The following LPP variants were observed in gnomAD, a reference collection of about 807,000 sequenced individuals.
The protein encoded by LPP is lipoma-preferred partner.
LPP carries 38 observed loss-of-function variants against 60.4 expected under a neutral mutation model. The ratio of observed to expected loss-of-function variants is 0.63; its 90% CI spans 0.49 to 0.83. LPP has a LOEUF of 0.83. LPP is among the 40% of genes least tolerant of loss of function. LPP has a pLI of 0.00. For missense variants in LPP, 902 were observed against 783.6 expected, an observed-to-expected ratio of 1.15 and a Z score of -1.80; for synonymous variants, 328 against 290.8, an observed-to-expected ratio of 1.13 and a Z score of -1.30.
At chr3:188,779,780 T>A (rs1167219925) in intron 9 of LPP, among the ~76,000 whole-genome samples, 1 of 152,112 alleles carries the variant, frequency 6.6e-6, no homozygotes, top group Non-Finnish European at 1.5e-5. Context: ...TACAACATGT[T>A]TTCATTGGTC....
chr3:188,332,081 C>G (rs1020514248), intron 2 of LPP, among the ~76,000 whole-genome samples: 2 of 151,988 alleles, frequency 1.3e-5, no homozygotes, highest in Admixed American at 1.3e-4. Context: ...TTCCTTCTCT[C>G]TTTTCTTCTC....
chr3:188,498,634 A>ACC (rs2149837399), intron 5 of LPP, among the ~76,000 whole-genome samples: 1 of 152,016 alleles, frequency 6.6e-6, no homozygotes, highest in African/African-American at 2.4e-5. Context: ...TGTAGAAATC[A>ACC]CTCTTTTGGA....
chr3:188,601,565 T>C (rs1373335338), intron 6 of LPP, among the ~76,000 whole-genome samples: 1 of 152,134 alleles, frequency 6.6e-6, no homozygotes, highest in Non-Finnish European at 1.5e-5. Flanking sequence ...CAAGTGGGAT[T>C]TCCTGTTCGG....
chr3:188,858,397 C>T (rs1450478475), intron 9 of LPP, among the ~76,000 whole-genome samples: 1 of 152,114 alleles, frequency 6.6e-6, no homozygotes, highest in Admixed American at 6.5e-5. Context: ...TTTTGGAAGA[C>T]CTAGCATGTC....
At chr3:188,537,979 C>T (rs374817781) in intron 6 of LPP, among the ~76,000 whole-genome samples, 3 of 152,052 alleles carry the variant, frequency 2.0e-5, no homozygotes, top group African/African-American at 7.2e-5. Context: ...GGTGTTGTGA[C>T]GTTCAAACAG....
chr3:188,342,846 G>A (rs1261400484), intron 3 of LPP, among the ~76,000 whole-genome samples: 1 of 151,788 alleles, frequency 6.6e-6, no homozygotes, highest in African/African-American at 2.4e-5. Flanking sequence ...GGTTATGTAT[G>A]GACTATGAAA....
intron 7 of LPP, among the ~76,000 whole-genome samples, chr3:188,705,762 G>A (rs540630528): frequency 3.3e-5 from 5 of 152,036 alleles, no homozygotes; most frequent in South Asian, 2.1e-4. Flanking sequence ...GATTACAGGC[G>A]TGCATTATCA....
chr3:188,751,152 A>C (rs1170273621), intron 8 of LPP, among the ~76,000 whole-genome samples: 2 of 152,174 alleles, frequency 1.3e-5, no homozygotes, highest in African/African-American at 2.4e-5. Context: ...CAGTAGCTTT[A>C]GAAAAACCCC....
Position 188,162,277 on chromosome 3 carries a change from A to G in LPP, c.-190+8025A>G, listed in dbSNP as rs376189687. ...CTTGCAGATATTGGTCGGGAGTTCAAGGGTCATAAAACTTTCCTAACTGGG... is the reference window on the plus strand; with the variant it reads ...CTTGCAGATATTGGTCGGGAGTTCAGGGGTCATAAAACTTTCCTAACTGGG... On this transcript the variant is annotated intron_variant, in intron 1 of 11. Transcript: ENST00000617246. Among the ~76,000 whole-genome samples, 6 of 152,224 alleles carry G rather than the reference A, an allele frequency of 3.9e-5. No individual in the cohort carries two copies. The East Asian group carries it at 7.7e-4, about 20-fold the overall frequency.
At chr3:188,178,279 C>G (rs150049421) in intron 1 of LPP, among the ~76,000 whole-genome samples, 2 of 152,170 alleles carry the variant, frequency 1.3e-5, no homozygotes, top group African/African-American at 4.8e-5. Context: ...TTTCCCAGCC[C>G]CCTCCTCATG....
At chr3:188,762,127 G>C (rs745746313) in intron 9 of LPP, among the ~76,000 whole-genome samples, 27 of 152,262 alleles carry the variant, frequency 1.8e-4, no homozygotes, top group Non-Finnish European at 3.5e-4. Flanking sequence ...TTCAACCCTT[G>C]TTAGCTTGAA....
Position 188,484,629 on chromosome 3 carries a change from T to C in LPP, c.231T>C (p.Asp77=). Residue 77 remains aspartate, a synonymous_variant, in exon 5 of 12, where the codon GAT becomes GAC. Coordinates refer to ENST00000617246, the MANE Select transcript of LPP (RefSeq NM_001375462.1). ...FLPPPPPPLD[D]SSALPSISGN... The stretch of plus-strand genomic sequence containing the variant: ...CACCCCCACCTCCACCTCTAGATGA[T>C]TCCAGTGCCCTTCCATCTATCTCTG... 1.2e-6 allele frequency: 2 copies of C among 1,614,088 alleles called. No homozygotes were observed. The highest frequency in any genetic ancestry group is 1.7e-6 in the Non-Finnish European group (2 of 1,179,964).
At chr3:188,244,006 G>A (rs1001594476) in intron 2 of LPP, among the ~76,000 whole-genome samples, 1 of 152,110 alleles carries the variant, frequency 6.6e-6, no homozygotes, top group Non-Finnish European at 1.5e-5. Flanking sequence ...CTCCTGAGTA[G>A]CTTACAGGTG....
chr3:188,563,258 T>C (rs181088118), intron 6 of LPP, among the ~76,000 whole-genome samples: 1 of 152,062 alleles, frequency 6.6e-6, no homozygotes, highest in East Asian at 1.9e-4. Context: ...ATATATATGC[T>C]GGCAATATAC....
intron 4 of LPP, among the ~76,000 whole-genome samples, chr3:188,467,080 T>C (rs1238184164): frequency 2.6e-5 from 4 of 151,514 alleles, no homozygotes; most frequent in Non-Finnish European, 5.9e-5. Flanking sequence ...TTTTGAGGGA[T>C]AGTTTCCTTA....
intron 3 of LPP, among the ~76,000 whole-genome samples, chr3:188,368,390 T>C (rs1771848614): frequency 2.0e-5 from 3 of 152,082 alleles, no homozygotes; most frequent in African/African-American, 7.2e-5. Flanking sequence ...CATGGCTTTT[T>C]TTTTTTCCCC....
At chr3:188,556,047 G>A (rs1194268223) in intron 6 of LPP, among the ~76,000 whole-genome samples, 4 of 152,116 alleles carry the variant, frequency 2.6e-5, no homozygotes, top group African/African-American at 9.7e-5. Context: ...TCAAGAGTGA[G>A]TGTGTGATCA....
chr3:188,632,786 T>C (rs1183685625), intron 7 of LPP, among the ~76,000 whole-genome samples: 1 of 152,196 alleles, frequency 6.6e-6, no homozygotes, highest in African/African-American at 2.4e-5. Flanking sequence ...ATTTGGTAGT[T>C]CTTCTGTAGC....
intron 2 of LPP, among the ~76,000 whole-genome samples, chr3:188,326,899 C>T (rs1383624722): frequency 6.6e-6 from 1 of 151,912 alleles, no homozygotes; most frequent in Admixed American, 6.6e-5. Context: ...TCTTATTTTT[C>T]CTCAATCTCA....
Sources: gnomAD v4.1 joint callset for allele counts (sites outside exome capture counted in the v4.1 genomes callset) on GRCh38, gnomAD v4.1.1 for gene constraint, MANE v1.5 for transcripts, NCBI Gene and HGNC (gene_info 2026-07-23, HGNC 2026-07-21) for gene names.